MKLN1: variants seen among roughly 807,000 people sequenced by gnomAD.
MKLN1 encodes the protein muskelin 1, also known as muskelin.
MKLN1 carries 18 observed loss-of-function variants against 99.0 expected under a neutral mutation model. The ratio of observed to expected loss-of-function variants is 0.18; its 90% confidence interval spans 0.13 to 0.27. MKLN1 has a LOEUF of 0.27. Among genes scored for constraint, MKLN1 ranks in the 10% least tolerant of loss-of-function variants. The pLI is 1.00. For synonymous variants in MKLN1, 288 were observed against 293.2 expected (o/e 0.98, Z 0.18); for missense variants, 621 against 875.9 (o/e 0.71, Z 3.67).
At chr7:131,264,997 T>C (rs905250563) in intron 3 of MKLN1, among the ~76,000 whole-genome samples, 1 of 151,898 alleles carries the variant, frequency 6.6e-6, no homozygotes, top group Admixed American at 6.6e-5. Context: ...CACCACCATG[T>C]CTGGCTAATT....
At chr7:131,435,123 G>A (rs1795639324) in intron 9 of MKLN1, among the ~76,000 whole-genome samples, 1 of 152,028 alleles carries the variant, frequency 6.6e-6, no homozygotes. Flanking sequence ...ATGTAATTGT[G>A]TTTTTTCTTC....
chr7:131,241,523 A>T (rs191457563), intron 3 of MKLN1, among the ~76,000 whole-genome samples: 17 of 152,358 alleles, frequency 1.1e-4, no homozygotes, highest in Admixed American at 5.2e-4. Flanking sequence ...CCTGGCCAAC[A>T]TAGTGAGAAC....
intron 3 of MKLN1, among the ~76,000 whole-genome samples, chr7:131,284,172 C>T (rs1283684829): frequency 1.3e-5 from 2 of 152,116 alleles, no homozygotes; most frequent in Admixed American, 6.5e-5. Flanking sequence ...ATAGGATATG[C>T]GCACTTCCGA....
intron 2 of MKLN1, among the ~76,000 whole-genome samples, chr7:131,202,703 C>T (rs1796748866): frequency 6.6e-6 from 1 of 152,090 alleles, no homozygotes; most frequent in South Asian, 2.1e-4. Context: ...GTCAAATGTC[C>T]CCATGGTGGA....
At chr7:131,273,546 G>A (rs1213924365) in intron 3 of MKLN1, among the ~76,000 whole-genome samples, 4 of 152,054 alleles carry the variant, frequency 2.6e-5, no homozygotes, top group Non-Finnish European at 4.4e-5. Context: ...TGGTTCAGCC[G>A]GCCAGTTGAC....
chr7:131,200,223 G>T (rs1287396014), intron 2 of MKLN1, among the ~76,000 whole-genome samples: 1 of 152,166 alleles, frequency 6.6e-6, no homozygotes, highest in Non-Finnish European at 1.5e-5. Context: ...CCCACCCTGA[G>T]ATTCCTTCTC....
chr7:131,450,216 T>A (rs1159575925), intron 12 of MKLN1, among the ~76,000 whole-genome samples: 1 of 152,188 alleles, frequency 6.6e-6, no homozygotes, highest in Admixed American at 6.6e-5. Flanking sequence ...AGCTATTCTG[T>A]GTTACCAGTA....
At chr7:131,327,657 C>T (rs2116679667), upstream of MKLN1, 1 of 545,138 alleles carries the variant, frequency 1.8e-6, no homozygotes, top group African/African-American at 2.0e-5. Flanking sequence ...CCCCTCCAAG[C>T]CCCAGGGAAG....
At chr7:131,300,183 GAC>G (rs1428393634) in intron 3 of MKLN1, among the ~76,000 whole-genome samples, 2 of 152,000 alleles carry the variant, frequency 1.3e-5, no homozygotes, top group Non-Finnish European at 2.9e-5. Context: ...AGGAAAATAA[GAC>G]ACAGAAGGAA....
At chr7:131,420,113 A>C (rs990564414) in intron 8 of MKLN1, among the ~76,000 whole-genome samples, 2 of 152,150 alleles carry the variant, frequency 1.3e-5, no homozygotes, top group African/African-American at 4.8e-5. Flanking sequence ...TGGGTGCAGT[A>C]CACCAACATG....
intron 2 of MKLN1, among the ~76,000 whole-genome samples, chr7:131,381,150 A>T (rs1256363735): frequency 6.6e-6 from 1 of 152,214 alleles, no homozygotes. Flanking sequence ...TTTCTCCATA[A>T]GGCATATCAT....
intron 3 of MKLN1, among the ~76,000 whole-genome samples, chr7:131,269,408 A>G (rs1263048792): frequency 6.6e-6 from 1 of 152,134 alleles, no homozygotes; most frequent in African/African-American, 2.4e-5. Context: ...CGGGCAAGCT[A>G]GCTCTCTGGG....
intron 1 of MKLN1, among the ~76,000 whole-genome samples, chr7:131,121,561 C>T (rs7798555): frequency 0.31 from 43,499 of 142,076 alleles, 6,753 homozygotes; most frequent in East Asian, 0.59. Flanking sequence ...TAGCATGAAC[C>T]CCTGGGGGCG....
intron 17 of MKLN1, among the ~76,000 whole-genome samples, chr7:131,484,873 T>G (rs1478133476): frequency 6.6e-6 from 1 of 151,946 alleles, no homozygotes. Context: ...AGGGTTTTCT[T>G]GGTGGAAGAA....
At chr7:131,197,513 G>T (rs113580285) in intron 2 of MKLN1, among the ~76,000 whole-genome samples, 3 of 151,488 alleles carry the variant, frequency 2.0e-5, no homozygotes, top group African/African-American at 7.3e-5. Context: ...CTCCCAAAGT[G>T]CTGGGGTTAC....
intron 3 of MKLN1, among the ~76,000 whole-genome samples, chr7:131,249,875 G>A (rs887641435): frequency 3.3e-5 from 5 of 152,122 alleles, no homozygotes; most frequent in African/African-American, 9.7e-5. Context: ...CCTCTTGCCC[G>A]TCATGCTGGC....
chr7:131,490,694 G>A lies in MKLN1; in HGVS notation c.*2966G>A, dbSNP rs1214990205. On this transcript the variant is annotated 3_prime_UTR_variant, in exon 18 of 18. Coordinates refer to ENST00000352689, the MANE Select transcript of MKLN1 (RefSeq NM_013255.5). The stretch of plus-strand genomic sequence containing the variant: ...TGATAGAATACATTAAAAAGTCACT[G>A]GTTTATCATAGAAAAGTTTGATGGG... The A allele has an allele frequency of 6.6e-6, 1 of 152,494 alleles. No individual in the cohort carries two copies. Among genetic ancestry groups the A allele is most frequent in the Non-Finnish European group, 1.5e-5 (1 of 67,992 alleles). 9.4% of individuals were successfully genotyped at this position (152,494 alleles called of 1,614,324 possible).
chr7:131,337,380 C>G (rs1584619529), intron 1 of MKLN1, among the ~76,000 whole-genome samples: 1 of 152,204 alleles, frequency 6.6e-6, no homozygotes, highest in South Asian at 2.1e-4. Flanking sequence ...CTCCTGCTCT[C>G]TTCTGTTATT....
At chr7:131,483,164 A>G (rs1797172600) in intron 17 of MKLN1, among the ~76,000 whole-genome samples, 2 of 152,216 alleles carry the variant, frequency 1.3e-5, no homozygotes, top group Admixed American at 1.3e-4. Flanking sequence ...AATCAATATC[A>G]TCACCTTTTT....
Sources: allele counts gnomAD v4.1 joint callset (sites outside exome capture counted in the v4.1 genomes callset), GRCh38; gene constraint gnomAD v4.1.1; transcripts MANE v1.5; gene names NCBI Gene and HGNC (gene_info 2026-07-23, HGNC 2026-07-21).